CPNE4: variants seen among roughly 807,000 people sequenced by gnomAD.
CPNE4 encodes the protein copine-4.
In CPNE4, 25 loss-of-function variants were observed where a neutral mutation model predicts 67.9. The observed-to-expected ratio is 0.37, with a 90% CI of 0.27 to 0.51. The LOEUF is 0.51. Ranked by LOEUF, CPNE4 falls within the 20% of genes least tolerant of loss-of-function variation. The pLI, the probability that CPNE4 is intolerant of heterozygous loss-of-function variation, is 0.93. For synonymous variants in CPNE4, 242 were observed against 244.9 expected (o/e 0.99, Z 0.11); for missense variants, 464 against 690.8 (o/e 0.67, Z 3.68).
At chr3:131,810,090 A>G (rs1205655962) in intron 2 of CPNE4, among the ~76,000 whole-genome samples, 2 of 152,058 alleles carry the variant, frequency 1.3e-5, no homozygotes, top group African/African-American at 4.8e-5. Flanking sequence ...TGAAACCTGG[A>G]ACCATAAAGC....
chr3:131,552,112 A>G (rs1012407278), intron 13 of CPNE4, among the ~76,000 whole-genome samples: 2 of 150,758 alleles, frequency 1.3e-5, no homozygotes, highest in African/African-American at 4.9e-5. Context: ...AAACAGAAAG[A>G]GGGATATTGT....
At position 131,820,886 on chromosome 3, in the gene CPNE4, AATGATACTTC is replaced by A. The variant is rs1474978900; in HGVS notation, c.180+84368_180+84377del. 9.6e-4 allele frequency among the ~76,000 whole-genome samples: 146 copies of A among 152,292 alleles called. 1 individual carries two copies. Among genetic ancestry groups the A allele is most frequent in the Middle Eastern group, 6.8e-3 (2 of 294 alleles). On this transcript the variant is annotated intron_variant, in intron 2 of 15. Transcript: ENST00000429747. ...AGAATGCTATATTGGACAGGTTTTA[AATGATACTTC>A]TTGCCACACCATTCCTATGCCTGTC...
intron 2 of CPNE4, among the ~76,000 whole-genome samples, chr3:131,758,420 A>T (rs1180694338): frequency 6.6e-6 from 1 of 151,940 alleles, no homozygotes; most frequent in African/African-American, 2.4e-5. Context: ...GTTTTGGCCA[A>T]TTTCTCCCAT....
At chr3:132,001,611 G>GAAAGAAAGAAAGAAAGAAAGAAAGAA (rs1560766090) in intron 1 of CPNE4, among the ~76,000 whole-genome samples, 2 of 146,142 alleles carry the variant, frequency 1.4e-5, no homozygotes, top group South Asian at 2.2e-4. Context: ...AAGAAAGAAA[G>GAAAGAAAGAAAGAAAGAAAGAAAGAA]AAAGAAAATG....
At chr3:131,955,159 G>A (rs1359972530) in intron 1 of CPNE4, among the ~76,000 whole-genome samples, 2 of 151,120 alleles carry the variant, frequency 1.3e-5, no homozygotes, top group African/African-American at 2.4e-5. Flanking sequence ...TTCAGTACAA[G>A]GTAGATTAGT....
intron 2 of CPNE4, among the ~76,000 whole-genome samples, chr3:131,861,402 TTGTGTGTGTG>T (rs5852659): frequency 0.24 from 34,489 of 144,048 alleles, 4,723 homozygotes; most frequent in African/African-American, 0.36. Context: ...TATCTCATCT[TTGTGTGTGTG>T]TGTGTGTGTG....
At chr3:131,690,389 A>G (rs1583027461) in intron 5 of CPNE4, among the ~76,000 whole-genome samples, 1 of 152,202 alleles carries the variant, frequency 6.6e-6, no homozygotes, top group South Asian at 2.1e-4. Context: ...AAAGCCACAT[A>G]CCTACAGCCA....
At chr3:131,829,894 A>G (rs1026739370) in intron 2 of CPNE4, among the ~76,000 whole-genome samples, 2 of 152,204 alleles carry the variant, frequency 1.3e-5, no homozygotes, top group Non-Finnish European at 2.9e-5. Flanking sequence ...TGGGTTTTAG[A>G]GATGAAAATT....
At chr3:131,694,093 A>G (rs568294883) in intron 5 of CPNE4, among the ~76,000 whole-genome samples, 8 of 152,296 alleles carry the variant, frequency 5.3e-5, no homozygotes, top group African/African-American at 1.9e-4. Context: ...GGCATCCTAC[A>G]ACCACCGTCT....
intron 1 of CPNE4, among the ~76,000 whole-genome samples, chr3:132,027,994 T>C (rs920437308): frequency 6.6e-6 from 1 of 152,252 alleles, no homozygotes; most frequent in Non-Finnish European, 1.5e-5. Flanking sequence ...ATATTTCTAT[T>C]ACATTTCCTT....
chr3:132,028,938 T>TA (rs1389596593), intron 1 of CPNE4, among the ~76,000 whole-genome samples: 3 of 145,722 alleles, frequency 2.1e-5, no homozygotes, highest in Admixed American at 6.8e-5. Flanking sequence ...TTTTTTTTTT[T>TA]AAAGGGTGAA....
chr3:131,761,517 G>A (rs2082890871), intron 2 of CPNE4, among the ~76,000 whole-genome samples: 1 of 152,092 alleles, frequency 6.6e-6, no homozygotes. Flanking sequence ...GGGACAAAAA[G>A]GAAGTTGCAG....
chr3:131,945,327 C>T (rs548996922), intron 1 of CPNE4, among the ~76,000 whole-genome samples: 6 of 152,284 alleles, frequency 3.9e-5, no homozygotes, highest in African/African-American at 1.2e-4. Flanking sequence ...ATATGCTGCT[C>T]AAATCTTCCT....
intron 7 of CPNE4, among the ~76,000 whole-genome samples, chr3:131,654,006 C>T (rs2079884191): frequency 6.6e-6 from 1 of 152,192 alleles, no homozygotes; most frequent in Non-Finnish European, 1.5e-5. Flanking sequence ...TTTGACTGCA[C>T]ATTATAATCA....
At chr3:131,941,629 A>G (rs905697026) in intron 1 of CPNE4, among the ~76,000 whole-genome samples, 3 of 152,126 alleles carry the variant, frequency 2.0e-5, no homozygotes, top group Admixed American at 1.3e-4. Context: ...AATGCAAAAT[A>G]TTATAAAGTG....
chr3:131,704,877 AC>A (rs79567494), intron 3 of CPNE4, among the ~76,000 whole-genome samples: 10,322 of 152,126 alleles, frequency 0.068, 789 homozygotes, highest in East Asian at 0.26. Flanking sequence ...TGAAGCTGTA[AC>A]CCCCAGAGTC....
At chr3:131,636,681 C>A (rs147265678) in intron 7 of CPNE4, among the ~76,000 whole-genome samples, 1 of 152,066 alleles carries the variant, frequency 6.6e-6, no homozygotes, top group Non-Finnish European at 1.5e-5. Context: ...CCTATAGGAC[C>A]GCAGCTGATG....
intron 1 of CPNE4, among the ~76,000 whole-genome samples, chr3:131,959,711 AGG>A (rs1230612723): frequency 6.6e-6 from 1 of 152,206 alleles, no homozygotes; most frequent in African/African-American, 2.4e-5. Flanking sequence ...CTGGAAAATA[AGG>A]GGACGTTGTA....
At position 131,988,363 on chromosome 3, in the gene CPNE4, G is replaced by A. The variant is rs565116772; in HGVS notation, c.-2+46204C>T. On this transcript the variant is annotated intron_variant, in intron 1 of 15. Transcript: ENST00000429747. ...TAAGAGCAATGGGAAGCCTTTGAAA[G>A]GGCTTAAGCAGGAGAGTGGCATAAT... Among the ~76,000 whole-genome samples the A allele has an allele frequency of 2.4e-3, 364 of 152,272 alleles. 1 individual carries two copies. The highest frequency in any genetic ancestry group is 8.4e-3 in the African/African-American group (348 of 41,562).
Sources: allele counts gnomAD v4.1 joint callset (sites outside exome capture counted in the v4.1 genomes callset), GRCh38; gene constraint gnomAD v4.1.1; transcripts MANE v1.5; gene names NCBI Gene and HGNC (gene_info 2026-07-23, HGNC 2026-07-21).